NOTCH4: variants seen among roughly 807,000 people sequenced by gnomAD.
The protein encoded by NOTCH4 is notch receptor 4.
A neutral mutation model predicts 189.0 loss-of-function variants in NOTCH4; 138 were observed. That is an observed-to-expected ratio of 0.73 (90% CI 0.64 to 0.84). The LOEUF is 0.84. Among genes scored for constraint, NOTCH4 ranks in the 40% least tolerant of loss-of-function variants. NOTCH4 has a pLI of 0.00. For missense variants in NOTCH4, 2,286 were observed against 2,605.4 expected, an observed-to-expected ratio of 0.88 and a Z score of 2.67; for synonymous variants, 942 against 1,032.8, an observed-to-expected ratio of 0.91 and a Z score of 1.69.
rs745396868 is a variant in NOTCH4 at position 32,222,816 on chromosome 6, G to A, written c.156-10C>T. ...GAAGCCAGGGGCACACCTGGGCAGG[G>A]GAGGAGAGGAAAACTCACATCACTG... On this transcript the variant is annotated splice_polypyrimidine_tract_variant and intron_variant, in intron 2 of 29. Coordinates refer to ENST00000375023, the MANE Select transcript of NOTCH4 (RefSeq NM_004557.4). 7 of 1,607,430 alleles carry A rather than the reference G, an allele frequency of 4.4e-6. No homozygotes were observed.
In NOTCH4 at chr6:32,215,391, G is replaced by A; in HGVS notation, c.1862-6C>T. 1 of 1,600,936 alleles carries A rather than the reference G, an allele frequency of 6.2e-7. No individual in the cohort carries two copies. The highest frequency in any genetic ancestry group is 8.5e-7 in the Non-Finnish European group (1 of 1,175,724). ...GGGAACCTCACAGAGCTGGCCTGGG[G>A]TGGGAAGATGGGTCAAAAAGAAAAC... On this transcript the variant is annotated splice_polypyrimidine_tract_variant and splice_region_variant and intron_variant, in intron 11 of 29. Coordinates refer to ENST00000375023, the MANE Select transcript of NOTCH4 (RefSeq NM_004557.4).
At chr6:32,203,630 C>G (rs1393674001) in intron 20 of NOTCH4, 140 bp downstream of exon 20, 1 of 639,134 alleles carries the variant, frequency 1.6e-6, no homozygotes, top group African/African-American at 1.9e-5. Flanking sequence ...AGAGACACTT[C>G]CCACTGTGAG....
chr6:32,219,233 G>A (rs1789598030), intron 8 of NOTCH4, among the ~76,000 whole-genome samples: 2 of 152,180 alleles, frequency 1.3e-5, no homozygotes, highest in African/African-American at 4.8e-5. Context: ...ATCAGAGGGA[G>A]CATTCTGGGT....
At chr6:32,215,190 G>A in intron 12 of NOTCH4, 36 bp downstream of exon 12, 1 of 1,542,402 alleles carries the variant, frequency 6.5e-7, no homozygotes. Flanking sequence ...GGAGCCCAAA[G>A]GAGGGGGCAG....
In NOTCH4 at chr6:32,217,207, T is replaced by C. The variant is rs771493492; in HGVS notation, c.1684A>G (p.Asn562Asp). ...IDECRSSPCANGGQCQDQPGA... is the reference protein window; with the variant it reads ...IDECRSSPCADGGQCQDQPGA... The stretch of plus-strand genomic sequence containing the variant: ...GGCTGGTCCTGGCACTGCCCACCAT[T>C]GGCACAGGGAGAGCTTCTGCACTCA... The change falls in exon 10 of 30, where the codon AAT becomes GAT. Residue 562 changes from asparagine (N) to aspartate (D), a missense_variant. Asn to Asp is a conservative substitution (Grantham distance 23, BLOSUM62 1). Transcript: ENST00000375023. This position sits in a 1 kb window ranked among gnomAD's most constrained non-coding sequence, Gnocchi z 4.2. 9 of 1,612,962 alleles carry C rather than the reference T, an allele frequency of 5.6e-6. No individual in the cohort carries two copies. The highest frequency in any genetic ancestry group is 7.6e-6 in the Non-Finnish European group (9 of 1,180,006).
rs945288635 is a variant in NOTCH4 at position 32,197,582 on chromosome 6, G to A, written c.4769C>T (p.Pro1590Leu). The A allele has an allele frequency of 6.2e-7, 1 of 1,610,790 alleles. No homozygotes were observed. The highest frequency in any genetic ancestry group is 8.5e-7 in the Non-Finnish European group (1 of 1,178,606). ...CCCACAGCAAACTGCTGACATCAGG[G>A]GTGTCACCCCATCTGTTGGTAAGAC... is the stretch of plus-strand genomic sequence containing the variant. ...LDTRGPDGVT[P>L]LMSAVCCGEV... The change falls in exon 27 of 30, where the codon CCC (proline) becomes CTC (leucine). Residue 1590 changes from proline to leucine, a missense_variant. Pro to Leu is a moderately conservative substitution (Grantham distance 98). Coordinates refer to ENST00000375023, the MANE Select transcript of NOTCH4 (RefSeq NM_004557.4).
chr6:32,222,050 C>G (rs1789811944), intron 3 of NOTCH4, among the ~76,000 whole-genome samples: 1 of 152,168 alleles, frequency 6.6e-6, no homozygotes, highest in Admixed American at 6.5e-5. Flanking sequence ...TGGGGCGGCC[C>G]CCAATCCACT....
In NOTCH4 at chr6:32,215,311, T is replaced by C. The variant is rs1332384037; in HGVS notation, c.1936A>G (p.Lys646Glu). Reference protein sequence around the residue: ...PKQICKDQKDKANCLCPDGSP... With the variant: ...PKQICKDQKDEANCLCPDGSP... ...CCATCAGGACAGAGGCAGTTGGCCT[T>C]GTCTTTCTGGTCCTTACATATCTGC... is the stretch of plus-strand genomic sequence containing the variant. The change falls in exon 12 of 30, where the codon AAG (lysine) becomes GAG (glutamate). Residue 646 changes from lysine (K) to glutamate (E), a missense_variant. By Grantham distance (56) the Lys-to-Glu change is moderately conservative. Coordinates refer to ENST00000375023, the MANE Select transcript of NOTCH4 (RefSeq NM_004557.4). The C allele has an allele frequency of 6.2e-7, 1 of 1,609,358 alleles. No individual in the cohort carries two copies. Among genetic ancestry groups the C allele is most frequent in the South Asian group, 1.1e-5 (1 of 89,888 alleles).
rs764742130 is a variant in NOTCH4 at position 32,196,010 on chromosome 6, C to A, written c.5439G>T (p.Trp1813Cys). The A allele has an allele frequency of 6.3e-7, 1 of 1,599,480 alleles. No homozygotes were observed. Among genetic ancestry groups the A allele is most frequent in the Non-Finnish European group, 8.5e-7 (1 of 1,179,028 alleles). The change falls in exon 30 of 30, where the codon TGG becomes TGT. Residue 1813 changes from tryptophan (W) to cysteine (C), a missense_variant. Physicochemically the swap from Trp to Cys is radical, Grantham distance 215. Around this residue, in one of 2 missense-constraint regions of NOTCH4, gnomAD observed 383 missense variants for 343.5 expected, o/e 1.11. Transcript: ENST00000375023. ...PADVAHQRNH[W>C]DLLTLLEGAG... ...CCCCTTCCAGCAGCGTCAGCAGATC[C>A]CAGTGGTTACGTTGGTGAGCGACGT...
Position 32,224,056 on chromosome 6 carries a change from A to C in NOTCH4, c.-128T>G. On this transcript the variant is annotated 5_prime_UTR_variant, in exon 1 of 30. Transcript: ENST00000375023. ...TCTTCTTCCTCCTCGGCCTGCTGCAAGCCTCACGTCTGAGCTGTTTCCTGA... is the reference window on the plus strand; with the variant it reads ...TCTTCTTCCTCCTCGGCCTGCTGCACGCCTCACGTCTGAGCTGTTTCCTGA... 2 of 965,080 alleles carry C rather than the reference A, an allele frequency of 2.1e-6. No individual in the cohort carries two copies. The highest frequency in any genetic ancestry group is 5.5e-5 in the East Asian group (2 of 36,154). The allele number at this position is 965,080 out of a possible 1,614,324, so 59.8% of individuals were successfully genotyped here.
chr6:32,222,769 G>A lies in NOTCH4; in HGVS notation c.193C>T (p.Pro65Ser), dbSNP rs751511627. The A allele has an allele frequency of 4.3e-6, 7 of 1,611,754 alleles. No homozygotes were observed. The East Asian group carries it at 8.9e-5, about 21-fold the overall frequency. ...AGCTGGGCGTTCTGGCAGGGGTCAG[G>A]AAACTGGCACGTCTCACCCAGGAAG... is the stretch of plus-strand genomic sequence containing the variant. ...PGFLGETCQF[P>S]DPCQNAQLCQ... The change falls in exon 3 of 30, where the codon CCT becomes TCT. Residue 65 changes from proline to serine, a missense_variant. By Grantham distance (74) the Pro-to-Ser change is moderately conservative. Around this residue, in one of 2 missense-constraint regions of NOTCH4, gnomAD observed 1,903 missense variants for 2,261.9 expected, o/e 0.84. Transcript: ENST00000375023.
In NOTCH4 at chr6:32,220,577, C is replaced by A. The variant is rs773837630; in HGVS notation, c.987G>T (p.Gly329=). 9 of 1,613,878 alleles carry A rather than the reference C, an allele frequency of 5.6e-6. No homozygotes were observed. The highest frequency in any genetic ancestry group is 7.6e-6 in the Non-Finnish European group (9 of 1,180,018). ...ETQGPPHCRN[G]GTCQNSAGSF... ...TACCAGCAGAGTTCTGGCAGGTGCC[C>A]CCGTTTCTGCAGTGAGGGGGACCCT... The change falls in exon 6 of 30, where the codon GGG becomes GGT. Residue 329 remains glycine (G), a synonymous_variant. Transcript: ENST00000375023.
chr6:32,196,023 T>A lies in NOTCH4; in HGVS notation c.5426A>T (p.Gln1809Leu). ...CGTCAGCAGATCCCAGTGGTTACGT[T>A]GGTGAGCGACGTCCGCCGGCGCTAG... ...AGLAPADVAHQRNHWDLLTLL... is the reference protein window; with the variant it reads ...AGLAPADVAHLRNHWDLLTLL... Residue 1809 changes from glutamine to leucine, a missense_variant, in exon 30 of 30, where the codon CAA (glutamine) becomes CTA (leucine). Gln to Leu is a moderately radical substitution (Grantham distance 113). Transcript: ENST00000375023. 7 of 1,598,116 alleles carry A rather than the reference T, an allele frequency of 4.4e-6. No individual in the cohort carries two copies. Among genetic ancestry groups the A allele is most frequent in the Non-Finnish European group, 5.9e-6 (7 of 1,178,508 alleles).
In NOTCH4 at chr6:32,210,672, G is replaced by T; in HGVS notation, c.2865+80C>A. The T allele has an allele frequency of 7.3e-7, 1 of 1,367,734 alleles. No homozygotes were observed. The highest frequency in any genetic ancestry group is 1.0e-6 in the Non-Finnish European group (1 of 965,236). 84.7% of individuals were successfully genotyped at this position (1,367,734 alleles called of 1,614,324 possible). ...AAAAGGAGGTGAAATGGATACATTG[G>T]GTCTTCCCTCAGTCACTACTGTCTC... On this transcript the variant is annotated intron_variant, in intron 18 of 29. Transcript: ENST00000375023. This position sits in a 1 kb window ranked among gnomAD's most constrained non-coding sequence, Gnocchi z 4.8.
Position 32,224,015 on chromosome 6 carries a change from C to T in NOTCH4, c.-87G>A. On this transcript the variant is annotated 5_prime_UTR_variant, in exon 1 of 30. Coordinates refer to ENST00000375023, the MANE Select transcript of NOTCH4 (RefSeq NM_004557.4). ...CTCACTGGGGCAGGAGCCACCTCCT[C>T]TGCTCCCACTGCCCCTCTTCTTCCT... 2 of 1,314,902 alleles carry T rather than the reference C, an allele frequency of 1.5e-6. No homozygotes were observed. Among genetic ancestry groups the T allele is most frequent in the Non-Finnish European group, 2.0e-6 (2 of 976,568 alleles). 81.5% of individuals were successfully genotyped at this position (1,314,902 alleles called of 1,614,324 possible). A position where few individuals can be genotyped will look rare whatever the true frequency, so the allele number is the denominator to read the frequency against.
Position 32,213,796 on chromosome 6 carries a change from A to G in NOTCH4, c.2212T>C (p.Cys738Arg). Residue 738 changes from cysteine to arginine, a missense_variant, in exon 14 of 30, where the codon TGT becomes CGT. By Grantham distance (180) the Cys-to-Arg change is radical. Coordinates refer to ENST00000375023, the MANE Select transcript of NOTCH4 (RefSeq NM_004557.4). The part of the protein sequence containing the change: ...EEMTACHSGP[C>R]LNGGSCNPSP... ...GGGTTGCAGGAGCCGCCATTGAGAC[A>G]TGGCCCTGAGTGACAAGCTGTCATC... 1.2e-6 allele frequency: 2 copies of G among 1,612,090 alleles called. No individual in the cohort carries two copies. Among genetic ancestry groups the G allele is most frequent in the Middle Eastern group, 1.9e-4 (1 of 5,344 alleles).
chr6:32,206,502 G>C (rs1328622220), intron 18 of NOTCH4, among the ~76,000 whole-genome samples: 3 of 152,138 alleles, frequency 2.0e-5, no homozygotes, highest in African/African-American at 7.2e-5. Flanking sequence ...AGAAGTGAAA[G>C]AGTACTGCAA....
rs986375998 is a variant in NOTCH4 at position 32,220,962 on chromosome 6, C to T, written c.799+16G>A. On this transcript the variant is annotated intron_variant, in intron 4 of 29. Coordinates refer to ENST00000375023, the MANE Select transcript of NOTCH4 (RefSeq NM_004557.4). ...CCAGAGAGAGGGGCGGCCGGAGAGC[C>T]CCTGTGAGGACACACCTGGGGGACA... The T allele has an allele frequency of 1.9e-5, 30 of 1,594,578 alleles. No individual in the cohort carries two copies. The highest frequency in any genetic ancestry group is 2.7e-5 in the African/African-American group (2 of 74,444).
Position 32,195,555 on chromosome 6 carries a change from A to G in NOTCH4, c.5894T>C (p.Ile1965Thr), listed in dbSNP as rs747603566. 1 of 1,613,072 alleles carries G rather than the reference A, an allele frequency of 6.2e-7. No individual in the cohort carries two copies. Among genetic ancestry groups the G allele is most frequent in the Non-Finnish European group, 8.5e-7 (1 of 1,180,016 alleles). Residue 1965 changes from isoleucine (I) to threonine (T), a missense_variant, in exon 30 of 30, where the codon ATT becomes ACT. Transcript: ENST00000375023. This position sits in a 1 kb window ranked among gnomAD's most constrained non-coding sequence, Gnocchi z 5.4. Reference sequence around the variant, plus strand: ...AGTAAGGCAAGGAGGCGGGATCGGAATGTTGGAGGCAGAACCGCAAGCTCC... The same window carrying G: ...AGTAAGGCAAGGAGGCGGGATCGGAGTGTTGGAGGCAGAACCGCAAGCTCC... ...ALGACGSASN[I>T]PIPPPCLTPS...
Sources: gnomAD v4.1 joint callset for allele counts (sites outside exome capture counted in the v4.1 genomes callset) on GRCh38, gnomAD v4.1.1 for gene constraint, gnomAD v4.1.1 regional missense constraint, Gnocchi (gnomAD v3.1) non-coding constraint, MANE v1.5 for transcripts, NCBI Gene and HGNC (gene_info 2026-07-23, HGNC 2026-07-21) for gene names.